Variants in SCN3A observed in about 807,000 individuals in gnomAD.
SCN3A encodes the protein sodium channel protein type 3 subunit alpha.
In SCN3A, 60 loss-of-function variants were observed where a neutral mutation model predicts 187.6. That is an observed-to-expected ratio of 0.32 (90% CI 0.26 to 0.40). The LOEUF (loss-of-function observed/expected upper bound fraction) is 0.40. Among genes scored for constraint, SCN3A ranks in the 10% least tolerant of loss-of-function variants. SCN3A has a pLI of 1.00. For missense variants in SCN3A, 1,601 were observed against 2,428.2 expected (o/e 0.66, Z 7.16); for synonymous variants, 788 against 829.2 (o/e 0.95, Z 0.85).
intron 18 of SCN3A, chr2:165,119,679 C>A (rs1370447728): frequency 6.6e-6 from 1 of 151,978 alleles, no homozygotes; most frequent in Non-Finnish European, 1.5e-5. Flanking sequence ...ACCAAAATGA[C>A]CTTCAAATTT....
intron 18 of SCN3A, 137 bp downstream of exon 18, chr2:165,127,494 A>AT: frequency 1.4e-6 from 1 of 717,510 alleles, no homozygotes; most frequent in Non-Finnish European, 2.3e-6. Context: ...GTATCTTGTG[A>AT]TTTTCCAACA....
intron 17 of SCN3A, among the ~76,000 whole-genome samples, chr2:165,128,545 T>C (rs1023631826): frequency 6.6e-6 from 1 of 152,238 alleles, no homozygotes; most frequent in Non-Finnish European, 1.5e-5. Context: ...AATGAACTTA[T>C]TTATTTAATA....
chr2:165,156,250 T>C (rs904648889), intron 9 of SCN3A, among the ~76,000 whole-genome samples: 3 of 152,054 alleles, frequency 2.0e-5, no homozygotes, highest in Admixed American at 6.6e-5. Context: ...CTCACGCCTG[T>C]AATCCCAGCA....
chr2:165,132,579 T>C (rs1049595556), intron 15 of SCN3A, among the ~76,000 whole-genome samples: 1 of 152,214 alleles, frequency 6.6e-6, no homozygotes, highest in African/African-American at 2.4e-5. Context: ...GCTAGCCATA[T>C]GTAGAAAGCT....
chr2:165,094,542 T>C, intron 25 of SCN3A, 64 bp from the exon 26 acceptor site: 2 of 1,046,574 alleles, frequency 1.9e-6, no homozygotes, highest in Non-Finnish European at 3.0e-6. Flanking sequence ...CAAAAAATAT[T>C]TGTCTTTCCT....
chr2:165,092,731 T>C lies in SCN3A; in HGVS notation c.4537-207A>G. The C allele has an allele frequency of 1.8e-6, 1 of 563,100 alleles. No homozygotes were observed. Among genetic ancestry groups the C allele is most frequent in the Non-Finnish European group, 3.1e-6 (1 of 319,782 alleles). 34.9% of individuals were successfully genotyped at this position (563,100 alleles called of 1,614,324 possible). Reference sequence around the variant, plus strand: ...AGCTAAACAAAGCATATTTGGTTTATATAGGTCCTATGGAAAGACAAAGCT... The same window carrying C: ...AGCTAAACAAAGCATATTTGGTTTACATAGGTCCTATGGAAAGACAAAGCT... On this transcript the variant is annotated intron_variant, in intron 26 of 27. Transcript: ENST00000283254. The surrounding 1 kb of genome is among the most constrained non-coding windows in gnomAD (Gnocchi z 4.2).
At chr2:165,130,744 A>G (rs922580856) in intron 16 of SCN3A, among the ~76,000 whole-genome samples, 3 of 152,152 alleles carry the variant, frequency 2.0e-5, no homozygotes, top group Non-Finnish European at 4.4e-5. Context: ...AAAAATTGAA[A>G]AAATACACAT....
intron 24 of SCN3A, among the ~76,000 whole-genome samples, chr2:165,095,995 G>T (rs1430008430): frequency 1.3e-5 from 2 of 152,098 alleles, no homozygotes; most frequent in Non-Finnish European, 2.9e-5. Flanking sequence ...TGGAAATACG[G>T]CTTTAAGAGC....
chr2:165,108,743 A>G (rs1009474583), intron 21 of SCN3A, among the ~76,000 whole-genome samples: 6 of 152,146 alleles, frequency 3.9e-5, no homozygotes, highest in African/African-American at 1.4e-4. Context: ...TCTATAGTAT[A>G]GTTTGTGTAG....
At chr2:165,169,037 T>C (rs919717913) in intron 4 of SCN3A, among the ~76,000 whole-genome samples, 2 of 151,372 alleles carry the variant, frequency 1.3e-5, no homozygotes, top group African/African-American at 2.4e-5. Flanking sequence ...CAAAACTGAA[T>C]TTAATAGAAA....
chr2:165,168,556 A>G (rs13419192), intron 5 of SCN3A, among the ~76,000 whole-genome samples, 180 bp downstream of exon 5: 1,808 of 152,108 alleles, frequency 0.012, 22 homozygotes, highest in Admixed American at 0.019. Context: ...ATTTTGTTGG[A>G]AAAATACTTA....
rs557879644 is a variant in SCN3A, at chr2:165,101,836, C to T, written c.3844-1412G>A. Among the ~76,000 whole-genome samples, 12 of 152,274 alleles carry T rather than the reference C, an allele frequency of 7.9e-5. No homozygotes were observed. The South Asian group carries it at 2.5e-3, about 32-fold the overall frequency. Reference sequence around the variant, plus strand: ...TAAAGAGTGATACCAAAACCAGAACCTAGGCTTTAACAACATATGAAGCCA... The same window carrying T: ...TAAAGAGTGATACCAAAACCAGAACTTAGGCTTTAACAACATATGAAGCCA... On this transcript the variant is annotated intron_variant, in intron 21 of 27. Transcript: ENST00000283254.
At chr2:165,128,833 C>T (rs141785320) in intron 17 of SCN3A, among the ~76,000 whole-genome samples, 3 of 151,820 alleles carry the variant, frequency 2.0e-5, no homozygotes, top group Admixed American at 6.6e-5. Context: ...AAGTATGAGG[C>T]GATTTTAACT....
At chr2:165,186,942 G>T (rs1380190837) in intron 1 of SCN3A, among the ~76,000 whole-genome samples, 195 bp from the exon 2 acceptor site, 1 of 152,094 alleles carries the variant, frequency 6.6e-6, no homozygotes. Context: ...ATGGGACCAG[G>T]AACCACTGCC....
At chr2:165,146,600 A>AT in intron 12 of SCN3A, 139 bp downstream of exon 12, 1 of 839,866 alleles carries the variant, frequency 1.2e-6, no homozygotes, top group African/African-American at 1.7e-5. Flanking sequence ...TATTATAAGA[A>AT]TTTAAACAAC....
chr2:165,179,399 G>A (rs1690689037), intron 2 of SCN3A, among the ~76,000 whole-genome samples: 2 of 152,076 alleles, frequency 1.3e-5, no homozygotes, highest in South Asian at 2.1e-4. Context: ...CTCCTGGTTG[G>A]TTTTTGTTTT....
intron 24 of SCN3A, 151 bp downstream of exon 24, chr2:165,096,316 A>G (rs1685362093): frequency 3.1e-6 from 2 of 635,794 alleles, no homozygotes; most frequent in East Asian, 5.5e-5. Context: ...ACATTAATCA[A>G]GCATCATCTA....
At chr2:165,151,212 C>T (rs1559234964) in intron 11 of SCN3A, among the ~76,000 whole-genome samples, 1 of 152,232 alleles carries the variant, frequency 6.6e-6, no homozygotes, top group South Asian at 2.1e-4. Context: ...TGCTGTATCT[C>T]CATTACCCCA....
intron 18 of SCN3A, among the ~76,000 whole-genome samples, chr2:165,117,024 C>T (rs1686404313): frequency 6.8e-6 from 1 of 148,128 alleles, no homozygotes; most frequent in South Asian, 2.1e-4. Flanking sequence ...CTTCTCCTCT[C>T]CTAGGATTTT....
Sources: gnomAD v4.1 joint callset for allele counts (sites outside exome capture counted in the v4.1 genomes callset) on GRCh38, gnomAD v4.1.1 for gene constraint, Gnocchi (gnomAD v3.1) non-coding constraint, MANE v1.5 for transcripts, NCBI Gene and HGNC (gene_info 2026-07-23, HGNC 2026-07-21) for gene names.